Variants in IBSP observed in about 807,000 individuals in gnomAD.
The protein encoded by IBSP is integrin binding sialoprotein, also known as integrin-binding sialoprotein.
IBSP carries 19 observed loss-of-function variants against 25.5 expected under a neutral mutation model. The observed-to-expected ratio is 0.74, with a 90% CI of 0.52 to 1.09. IBSP has a LOEUF of 1.09. Among genes scored for constraint, IBSP ranks in the 50% least tolerant of loss-of-function variants. The pLI, the probability that IBSP is intolerant of heterozygous loss-of-function variation, is 0.00. For synonymous variants in IBSP, 144 were observed against 137.6 expected (o/e 1.05, Z -0.33); for missense variants, 360 against 382.3 (o/e 0.94, Z 0.49).
intron 5 of IBSP, among the ~76,000 whole-genome samples, chr4:87,810,289 T>A (rs886245869): frequency 1.3e-5 from 2 of 152,196 alleles, no homozygotes; most frequent in African/African-American, 2.4e-5. Flanking sequence ...CTTAGAGTGT[T>A]TAGTTTCTTC....
chr4:87,810,952 A>T (rs983197440), intron 6 of IBSP, among the ~76,000 whole-genome samples, 188 bp downstream of exon 6: 1 of 152,168 alleles, frequency 6.6e-6, no homozygotes, highest in African/African-American at 2.4e-5. Flanking sequence ...CAAATAAGAA[A>T]ATATCTTCTC....
At position 87,811,436 on chromosome 4, in the gene IBSP, TGAAAACGAA is replaced by T; in HGVS notation, c.485_493del (p.Asn162_Glu164del). On this transcript the variant is annotated inframe_deletion, in exon 7 of 7. Transcript: ENST00000226284. ...AAGAAGAGGAGGAAGAGGAAGGAAA[TGAAAACGAA>T]GAAAGCGAAGCAGAAGTGGATGAAA... 3 of 1,608,994 alleles carry T rather than the reference TGAAAACGAA, an allele frequency of 1.9e-6. No individual in the cohort carries two copies. The highest frequency in any genetic ancestry group is 2.5e-6 in the Non-Finnish European group (3 of 1,177,700).
intron 4 of IBSP, 145 bp from the exon 5 acceptor site, chr4:87,805,973 TAAAC>T: frequency 1.5e-6 from 1 of 648,630 alleles, no homozygotes; most frequent in Non-Finnish European, 2.7e-6. Context: ...CTGTTCTTAG[TAAAC>T]AAGTCAGTCA....
At position 87,811,803 on chromosome 4, in the gene IBSP, G is replaced by C. The variant is rs1722180857; in HGVS notation, c.847G>C (p.Gly283Arg). 4 of 1,612,754 alleles carry C rather than the reference G, an allele frequency of 2.5e-6. No individual in the cohort carries two copies. Among genetic ancestry groups the C allele is most frequent in the African/African-American group, 1.3e-5 (1 of 74,848 alleles). Residue 283 changes from glycine to arginine, a missense_variant, in exon 7 of 7, where the codon GGG (glycine) becomes CGG (arginine). Gly to Arg is a moderately radical substitution (Grantham distance 125). Transcript: ENST00000226284. ...ATATGAAATCTATGAAAGTGAGAAC[G>C]GGGAACCTCGTGGGGACAATTACCG... The part of the protein sequence containing the change: ...NGYEIYESEN[G>R]EPRGDNYRAY...
At chr4:87,803,947 T>C (rs1193470129) in intron 4 of IBSP, among the ~76,000 whole-genome samples, 3 of 152,200 alleles carry the variant, frequency 2.0e-5, no homozygotes, top group Admixed American at 1.3e-4. Context: ...GAGATATTCA[T>C]TCCCATCTGG....
rs572434335 is a variant in IBSP, at chr4:87,802,784, G to A, written c.183+53G>A. 93 of 1,216,434 alleles carry A rather than the reference G, an allele frequency of 7.6e-5. No homozygotes were observed. In the African/African-American group the frequency reaches 1.4e-3, roughly 18 times the overall value. The allele number at this position is 1,216,434 out of a possible 1,614,324, so 75.4% of individuals were successfully genotyped here. A position where few individuals can be genotyped will look rare whatever the true frequency, so the allele number is the denominator to read the frequency against. On this transcript the variant is annotated intron_variant, in intron 4 of 6. Coordinates refer to ENST00000226284, the MANE Select transcript of IBSP (RefSeq NM_004967.4). Reference sequence around the variant, plus strand: ...GTTTAATTTCTATTATAATTTAAAGGAGATCAAATTTTAACTATAAAACAC... The same window carrying A: ...GTTTAATTTCTATTATAATTTAAAGAAGATCAAATTTTAACTATAAAACAC...
intron 6 of IBSP, 21 bp downstream of exon 6, chr4:87,810,785 C>T (rs2110058485): frequency 6.3e-7 from 1 of 1,594,316 alleles, no homozygotes; most frequent in Non-Finnish European, 8.6e-7. Context: ...AATTATTCCT[C>T]CAAAATGAAA....
intron 4 of IBSP, among the ~76,000 whole-genome samples, chr4:87,803,648 G>A (rs1379763462): frequency 2.6e-5 from 4 of 152,034 alleles, no homozygotes; most frequent in African/African-American, 9.7e-5. Flanking sequence ...ACCATATGTT[G>A]GGCTAATCCA....
rs778598730 is a variant in IBSP at position 87,811,507 on chromosome 4, C to G, written c.551C>G (p.Thr184Arg). 1 of 1,613,972 alleles carries G rather than the reference C, an allele frequency of 6.2e-7. No individual in the cohort carries two copies. The highest frequency in any genetic ancestry group is 8.5e-7 in the Non-Finnish European group (1 of 1,179,956). Residue 184 changes from threonine (T) to arginine (R), a missense_variant, in exon 7 of 7, where the codon ACA becomes AGA. Physicochemically the swap from Thr to Arg is moderately conservative, Grantham distance 71 (BLOSUM62 -1). Coordinates refer to ENST00000226284, the MANE Select transcript of IBSP (RefSeq NM_004967.4). ...ATAAACGGCACCAGTACCAACAGCA[C>G]AGAGGCAGAAAACGGCAACGGCAGC... ...QGINGTSTNS[T>R]EAENGNGSSG...
At chr4:87,807,659 T>C (rs1722107337) in intron 5 of IBSP, among the ~76,000 whole-genome samples, 2 of 152,190 alleles carry the variant, frequency 1.3e-5, no homozygotes, top group Non-Finnish European at 2.9e-5. Context: ...TCTTCGTTTG[T>C]TGTTGTGGTG....
chr4:87,800,994 A>G (rs1722005394), intron 1 of IBSP, among the ~76,000 whole-genome samples: 1 of 152,192 alleles, frequency 6.6e-6, no homozygotes, highest in African/African-American at 2.4e-5. Flanking sequence ...GTAGGCTTTC[A>G]GCTAAGCTTG....
rs549648144 is a variant in IBSP at position 87,811,896 on chromosome 4, T to C, written c.940T>C (p.Tyr314His). The C allele has an allele frequency of 1.6e-4, 251 of 1,522,866 alleles. 2 individuals are homozygous for C. In the South Asian group the frequency reaches 2.9e-3, roughly 18 times the overall value. 94.3% of individuals were successfully genotyped at this position (1,522,866 alleles called of 1,614,324 possible). A position where few individuals can be genotyped will look rare whatever the true frequency, so the allele number is the denominator to read the frequency against. Reference sequence around the variant, plus strand: ...CGATGGCTATGATGGTCAGAATTACTACCACCACCAGTGAAGCTCCAGCCT... The same window carrying C: ...CGATGGCTATGATGGTCAGAATTACCACCACCACCAGTGAAGCTCCAGCCT... Reference protein sequence around the residue: ...GYDGYDGQNYYHHQ With the variant: ...GYDGYDGQNYHHHQ Residue 314 changes from tyrosine to histidine, a missense_variant, in exon 7 of 7, where the codon TAC becomes CAC. By Grantham distance (83) the Tyr-to-His change is moderately conservative. Transcript: ENST00000226284.
intron 1 of IBSP, among the ~76,000 whole-genome samples, chr4:87,800,697 C>CA (rs1722001842): frequency 6.6e-6 from 1 of 152,120 alleles, no homozygotes; most frequent in South Asian, 2.1e-4. Context: ...CTCTGACACA[C>CA]AAAAAGAGTG....
intron 4 of IBSP, among the ~76,000 whole-genome samples, chr4:87,805,362 A>G (rs1722075072): frequency 6.6e-6 from 1 of 152,188 alleles, no homozygotes; most frequent in African/African-American, 2.4e-5. Context: ...ATCTTAATTT[A>G]TTCTCATTCA....
chr4:87,811,134 A>C (rs1722164415), intron 6 of IBSP, among the ~76,000 whole-genome samples: 1 of 152,284 alleles, frequency 6.6e-6, no homozygotes, highest in Admixed American at 6.5e-5. Flanking sequence ...ACTCTCCCCC[A>C]GGAAAGGCAT....
At chr4:87,802,272 C>A in intron 1 of IBSP, 76 bp from the exon 2 acceptor site, 2 of 821,100 alleles carry the variant, frequency 2.4e-6, no homozygotes, top group South Asian at 1.7e-5. Flanking sequence ...TTAAATACTT[C>A]ATCTTTGAAT....
Position 87,811,562 on chromosome 4 carries a change from A to G in IBSP, c.606A>G (p.Glu202=). The part of the protein sequence containing the change: ...SSGGDNGEEG[E]EESVTGANAE... ...GAGGAGACAATGGAGAAGAAGGGGA[A>G]GAAGAAAGTGTCACTGGAGCCAATG... The change falls in exon 7 of 7, where the codon GAA becomes GAG. Residue 202 remains glutamate, a synonymous_variant. Coordinates refer to ENST00000226284, the MANE Select transcript of IBSP (RefSeq NM_004967.4). 6.2e-7 allele frequency: 1 copy of G among 1,613,780 alleles called. No individual in the cohort carries two copies. The highest frequency in any genetic ancestry group is 8.5e-7 in the Non-Finnish European group (1 of 1,179,878).
In IBSP at chr4:87,811,619, C is replaced by A; in HGVS notation, c.663C>A (p.Gly221=). The change falls in exon 7 of 7, where the codon GGC becomes GGA. Residue 221 remains glycine, a synonymous_variant. Transcript: ENST00000226284. Reference sequence around the variant, plus strand: ...ACACCACAGAGACCGGAAGGCAGGGCAAGGGCACCTCGAAGACAACAACCT... The same window carrying A: ...ACACCACAGAGACCGGAAGGCAGGGAAAGGGCACCTCGAAGACAACAACCT... The part of the protein sequence containing the change: ...AEDTTETGRQ[G]KGTSKTTTSP... The A allele has an allele frequency of 6.2e-7, 1 of 1,613,798 alleles. No individual in the cohort carries two copies. Among genetic ancestry groups the A allele is most frequent in the Non-Finnish European group, 8.5e-7 (1 of 1,179,912 alleles).
At position 87,811,463 on chromosome 4, in the gene IBSP, G is replaced by T. The variant is rs1267205703; in HGVS notation, c.507G>T (p.Val169=). ...AAAACGAAGAAAGCGAAGCAGAAGTGGATGAAAACGAACAAGGCATAAACG... is the reference window on the plus strand; with the variant it reads ...AAAACGAAGAAAGCGAAGCAGAAGTTGATGAAAACGAACAAGGCATAAACG... ...GNENEESEAE[V]DENEQGINGT... The change falls in exon 7 of 7, where the codon GTG becomes GTT. Residue 169 remains valine, a synonymous_variant. Coordinates refer to ENST00000226284, the MANE Select transcript of IBSP (RefSeq NM_004967.4). 10 of 1,613,884 alleles carry T rather than the reference G, an allele frequency of 6.2e-6. No homozygotes were observed. The highest frequency in any genetic ancestry group is 1.7e-5 in the Admixed American group (1 of 59,974).
Sources: allele counts gnomAD v4.1 joint callset (sites outside exome capture counted in the v4.1 genomes callset), GRCh38; gene constraint gnomAD v4.1.1; transcripts MANE v1.5; gene names NCBI Gene and HGNC (gene_info 2026-07-23, HGNC 2026-07-21).